Variants in STT3B observed in about 807,000 individuals in gnomAD.
The protein encoded by STT3B is dolichyl-diphosphooligosaccharide--protein glycosyltransferase subunit STT3B.
A neutral mutation model predicts 96.8 loss-of-function variants in STT3B; 29 were observed. The observed-to-expected ratio is 0.30, with a 90% CI of 0.22 to 0.41. STT3B has a LOEUF of 0.41. Among genes scored for constraint, STT3B ranks in the 10% least tolerant of loss-of-function variants. STT3B has a pLI of 1.00. For synonymous variants in STT3B, 367 were observed against 360.0 expected, an observed-to-expected ratio of 1.02 and a Z score of -0.22; for missense variants, 640 against 1,022.3, an observed-to-expected ratio of 0.63 and a Z score of 5.10.
At chr3:31,554,045 G>A (rs1482179980) in intron 1 of STT3B, among the ~76,000 whole-genome samples, 1 of 152,084 alleles carries the variant, frequency 6.6e-6, no homozygotes, top group Non-Finnish European at 1.5e-5. Context: ...GTAGCTTCTA[G>A]CTTTTTCTGT....
chr3:31,561,019 A>G (rs1377642475), intron 1 of STT3B, among the ~76,000 whole-genome samples: 1 of 151,662 alleles, frequency 6.6e-6, no homozygotes, highest in Admixed American at 6.6e-5. Flanking sequence ...CTTCTGCCCC[A>G]TCTAGTCTGT....
intron 1 of STT3B, among the ~76,000 whole-genome samples, chr3:31,553,981 T>G (rs1282287899): frequency 6.6e-6 from 1 of 152,216 alleles, no homozygotes; most frequent in Non-Finnish European, 1.5e-5. Context: ...GGCTGCATTT[T>G]TAAGAAAAAT....
chr3:31,601,687 T>C (rs1016538170), intron 5 of STT3B, among the ~76,000 whole-genome samples: 6 of 152,150 alleles, frequency 3.9e-5, no homozygotes, highest in African/African-American at 1.4e-4. Context: ...TAGAATTATA[T>C]AGTAGTGATG....
Position 31,532,928 on chromosome 3 carries a change from C to A in STT3B, c.-71C>A. On this transcript the variant is annotated 5_prime_UTR_variant, in exon 1 of 16. Coordinates refer to ENST00000295770, the MANE Select transcript of STT3B (RefSeq NM_178862.3). The stretch of plus-strand genomic sequence containing the variant: ...CCTCCTCCTCCTCCTCCTCCGGGTC[C>A]CCGCCCAGCACCCCTCGCACCAGGC... The A allele has an allele frequency of 6.7e-7, 1 of 1,496,636 alleles. No individual in the cohort carries two copies. Among genetic ancestry groups the A allele is most frequent in the East Asian group, 2.7e-5 (1 of 36,414 alleles). The allele number at this position is 1,496,636 out of a possible 1,614,324, so 92.7% of individuals were successfully genotyped here.
chr3:31,551,776 C>T (rs1011519744), intron 1 of STT3B, among the ~76,000 whole-genome samples: 1 of 152,082 alleles, frequency 6.6e-6, no homozygotes, highest in South Asian at 2.1e-4. Context: ...ATGTTGCTTC[C>T]GTGATTATGT....
chr3:31,626,532 G>T (rs1188724658), intron 13 of STT3B, among the ~76,000 whole-genome samples: 1 of 152,038 alleles, frequency 6.6e-6, no homozygotes, highest in Non-Finnish European at 1.5e-5. Context: ...AAAATTGATC[G>T]TGTTACTTTT....
At chr3:31,609,283 C>T (rs1699130986) in intron 5 of STT3B, among the ~76,000 whole-genome samples, 1 of 152,076 alleles carries the variant, frequency 6.6e-6, no homozygotes, top group Non-Finnish European at 1.5e-5. Flanking sequence ...TTGTCTTTTA[C>T]TACTTCTTGA....
At chr3:31,598,102 C>T (rs1455579641) in intron 4 of STT3B, among the ~76,000 whole-genome samples, 1 of 152,102 alleles carries the variant, frequency 6.6e-6, no homozygotes, top group Non-Finnish European at 1.5e-5. Context: ...TCCCAAAGTG[C>T]TGGGATTACA....
intron 1 of STT3B, 150 bp downstream of exon 1, chr3:31,533,462 C>CG: frequency 9.2e-7 from 1 of 1,086,512 alleles, no homozygotes; most frequent in Non-Finnish European, 1.2e-6. Flanking sequence ...CCCGGAGCTC[C>CG]GGGCGCGCCC....
At chr3:31,570,137 A>C (rs1698103466) in intron 1 of STT3B, among the ~76,000 whole-genome samples, 1 of 152,192 alleles carries the variant, frequency 6.6e-6, no homozygotes. Context: ...GCATGCCAAA[A>C]TTGAAGACTA....
rs769653841 is a variant in STT3B at position 31,615,169 on chromosome 3, G to C, written c.942G>C (p.Gln314His). 2.2e-5 allele frequency: 35 copies of C among 1,611,042 alleles called. No individual in the cohort carries two copies. The highest frequency in any genetic ancestry group is 4.0e-5 in the African/African-American group (3 of 74,774). Reference sequence around the variant, plus strand: ...TGCAGATACCTTTTGTGGGATTCCAGCCAATCAGAACAAGTGAACACATGG... The same window carrying C: ...TGCAGATACCTTTTGTGGGATTCCACCCAATCAGAACAAGTGAACACATGG... ...LSMQIPFVGF[Q>H]PIRTSEHMAA... The change falls in exon 6 of 16, where the codon CAG becomes CAC. Residue 314 changes from glutamine to histidine, a missense_variant. By Grantham distance (24) the Gln-to-His change is conservative. Coordinates refer to ENST00000295770, the MANE Select transcript of STT3B (RefSeq NM_178862.3).
At chr3:31,596,707 G>A in intron 3 of STT3B, 91 bp from the exon 4 acceptor site, 1 of 938,460 alleles carries the variant, frequency 1.1e-6, no homozygotes, top group Non-Finnish European at 1.7e-6. Context: ...TTGACTTTTT[G>A]TAGCCTGTGG....
intron 15 of STT3B, 22 bp downstream of exon 15, chr3:31,633,169 T>TA: frequency 6.2e-7 from 1 of 1,602,876 alleles, no homozygotes; most frequent in African/African-American, 1.3e-5. Context: ...GTGAAGGCAT[T>TA]AAAGGGTAAC....
intron 13 of STT3B, among the ~76,000 whole-genome samples, chr3:31,627,304 T>G (rs915633786): frequency 1.7e-4 from 26 of 152,204 alleles, no homozygotes; most frequent in Admixed American, 2.6e-4. Context: ...GCAGGGGATC[T>G]AGGTTGCATG....
At chr3:31,633,909 T>A (rs1699712404) in intron 15 of STT3B, among the ~76,000 whole-genome samples, 1 of 152,170 alleles carries the variant, frequency 6.6e-6, no homozygotes, top group South Asian at 2.1e-4. Context: ...TCTCATTTTT[T>A]AAGGATGCTT....
At chr3:31,628,919 A>G (rs1180206712) in intron 13 of STT3B, among the ~76,000 whole-genome samples, 1 of 152,146 alleles carries the variant, frequency 6.6e-6, no homozygotes, top group East Asian at 1.9e-4. Flanking sequence ...AGCCTGGACA[A>G]CATGGTGAAA....
At position 31,613,305 on chromosome 3, in the gene STT3B, T is replaced by C. The variant is rs867491497; in HGVS notation, c.878-1800T>C. Among the ~76,000 whole-genome samples, 11 of 152,098 alleles carry C rather than the reference T, an allele frequency of 7.2e-5. No individual in the cohort carries two copies. In the South Asian group the frequency reaches 8.3e-4, roughly 11 times the overall value. Reference sequence around the variant, plus strand: ...TCTGTGGCAGTGTTACAGCATTCAGTGTTTATTTGTACTTAGAAGAAAGAA... The same window carrying C: ...TCTGTGGCAGTGTTACAGCATTCAGCGTTTATTTGTACTTAGAAGAAAGAA... On this transcript the variant is annotated intron_variant, in intron 5 of 15. Transcript: ENST00000295770.
chr3:31,617,899 T>C (rs781712944), intron 7 of STT3B, 41 bp from the exon 8 acceptor site: 7 of 1,401,894 alleles, frequency 5.0e-6, no homozygotes, highest in Non-Finnish European at 7.1e-6. Flanking sequence ...TACAAAATAA[T>C]AAAAAGGCAG....
intron 1 of STT3B, among the ~76,000 whole-genome samples, chr3:31,539,228 A>G (rs973533827): frequency 6.6e-6 from 1 of 152,140 alleles, no homozygotes; most frequent in Admixed American, 6.5e-5. Flanking sequence ...ACAAATCTCT[A>G]AACAATTGTG....
Sources: allele counts gnomAD v4.1 joint callset (sites outside exome capture counted in the v4.1 genomes callset), GRCh38; gene constraint gnomAD v4.1.1; transcripts MANE v1.5; gene names NCBI Gene and HGNC (gene_info 2026-07-23, HGNC 2026-07-21).